Variants in MBD5 observed in about 807,000 individuals in gnomAD.
The protein encoded by MBD5 is methyl-CpG binding domain protein 5.
Under a neutral mutation model 117.3 loss-of-function variants are expected in MBD5, and 13 were observed. That is an observed-to-expected ratio of 0.11 (90% CI 0.07 to 0.18). The LOEUF is 0.18. MBD5 is among the 10% of genes least tolerant of loss of function. The pLI is 1.00. For synonymous variants in MBD5, 727 were observed against 766.4 expected, an observed-to-expected ratio of 0.95 and a Z score of 0.85; for missense variants, 1,879 against 2,093.8, an observed-to-expected ratio of 0.90 and a Z score of 2.00.
chr2:148,361,412 T>C (rs1474317182), intron 4 of MBD5, among the ~76,000 whole-genome samples: 2 of 152,162 alleles, frequency 1.3e-5, no homozygotes, highest in African/African-American at 4.8e-5. Flanking sequence ...TCAGTACATA[T>C]TCTTCTGAAC....
At chr2:148,253,438 A>T (rs1333349271) in intron 3 of MBD5, among the ~76,000 whole-genome samples, 1 of 152,192 alleles carries the variant, frequency 6.6e-6, no homozygotes, top group Non-Finnish European at 1.5e-5. Context: ...ATGCTATAAT[A>T]TGTAGTACAT....
intron 12 of MBD5, 147 bp downstream of exon 12, chr2:148,502,656 A>C (rs1681909751): frequency 1.3e-6 from 1 of 760,228 alleles, no homozygotes; most frequent in African/African-American, 1.7e-5. Flanking sequence ...ACCATTATAG[A>C]CAAGCCAAAT....
At chr2:148,279,725 A>G (rs1701196964) in intron 3 of MBD5, among the ~76,000 whole-genome samples, 2 of 152,334 alleles carry the variant, frequency 1.3e-5, no homozygotes, top group East Asian at 3.9e-4. Flanking sequence ...CCATTCTGAT[A>G]GTACTTTTCC....
At position 148,489,802 on chromosome 2, in the gene MBD5, G is replaced by T. The variant is rs1312513915; in HGVS notation, c.4170G>T (p.Arg1390Ser). 5.6e-6 allele frequency: 9 copies of T among 1,614,114 alleles called. No individual in the cohort carries two copies. Among genetic ancestry groups the T allele is most frequent in the Non-Finnish European group, 7.6e-6 (9 of 1,180,026 alleles). Residue 1390 changes from arginine to serine, a missense_variant, in exon 11 of 14, where the codon AGG (arginine) becomes AGT (serine). Coordinates refer to ENST00000642680, the MANE Select transcript of MBD5 (RefSeq NM_001378120.1). ...RNMGGVDHDG[R>S]LRNSRGARLP... ...TGGGAGGTGTTGATCATGATGGTAG[G>T]CTGAGGAATTCAAGAGGGGCTCGGC...
intron 3 of MBD5, among the ~76,000 whole-genome samples, chr2:148,314,752 T>G: frequency 6.6e-6 from 1 of 152,168 alleles, no homozygotes; most frequent in Non-Finnish European, 1.5e-5. Flanking sequence ...AGTTTTTTCT[T>G]TCTTAGAAAT....
intron 4 of MBD5, among the ~76,000 whole-genome samples, chr2:148,442,818 C>T (rs527593703): frequency 6.6e-6 from 1 of 151,454 alleles, no homozygotes; most frequent in African/African-American, 2.4e-5. Flanking sequence ...ATTGGCAAAA[C>T]TCTGCAGGAC....
At chr2:148,246,511 C>G (rs1421989459) in intron 3 of MBD5, among the ~76,000 whole-genome samples, 2 of 152,130 alleles carry the variant, frequency 1.3e-5, no homozygotes, top group African/African-American at 4.8e-5. Context: ...TGGCTCATGC[C>G]TGTAATCCCA....
chr2:148,404,333 T>C (rs1705013926), intron 4 of MBD5, among the ~76,000 whole-genome samples: 1 of 151,558 alleles, frequency 6.6e-6, no homozygotes, highest in African/African-American at 2.4e-5. Context: ...CTGAATATTC[T>C]ACCCTATACC....
chr2:148,216,299 T>C (rs937333709), intron 2 of MBD5, among the ~76,000 whole-genome samples: 5 of 152,174 alleles, frequency 3.3e-5, no homozygotes. Context: ...GTAGAAACTG[T>C]AGTAGATCTG....
intron 4 of MBD5, among the ~76,000 whole-genome samples, chr2:148,359,802 T>G (rs1163589486): frequency 6.6e-6 from 1 of 152,224 alleles, no homozygotes; most frequent in Non-Finnish European, 1.5e-5. Context: ...CTGCTCTTTA[T>G]GTATTGCTTT....
At chr2:148,056,887 T>C (rs1401685242) in intron 1 of MBD5, among the ~76,000 whole-genome samples, 1 of 151,848 alleles carries the variant, frequency 6.6e-6, no homozygotes, top group African/African-American at 2.4e-5. Context: ...TTTTAACTTT[T>C]GATGTAATTT....
chr2:148,098,038 TC>T (rs1304086734), intron 1 of MBD5, among the ~76,000 whole-genome samples: 1 of 152,130 alleles, frequency 6.6e-6, no homozygotes, highest in East Asian at 1.9e-4. Flanking sequence ...CAGTGGGAAG[TC>T]ACTTGCAGGT....
chr2:148,363,093 C>T (rs899939527), intron 4 of MBD5, among the ~76,000 whole-genome samples: 2 of 152,116 alleles, frequency 1.3e-5, no homozygotes, highest in Non-Finnish European at 2.9e-5. Flanking sequence ...TCCAAGTGAT[C>T]ACAACTCCTT....
chr2:148,170,686 A>C (rs1229192312), intron 1 of MBD5, among the ~76,000 whole-genome samples: 1 of 152,210 alleles, frequency 6.6e-6, no homozygotes, highest in African/African-American at 2.4e-5. Flanking sequence ...TCACTGTTAA[A>C]AGTTTATGAT....
chr2:148,499,125 T>A (rs974189193), intron 11 of MBD5, among the ~76,000 whole-genome samples: 5 of 151,846 alleles, frequency 3.3e-5, no homozygotes, highest in African/African-American at 1.2e-4. Context: ...AGAACCCTGT[T>A]TCTACAAAAA....
intron 4 of MBD5, among the ~76,000 whole-genome samples, chr2:148,410,252 A>G (rs975522199): frequency 1.3e-5 from 2 of 152,182 alleles, no homozygotes; most frequent in East Asian, 1.9e-4. Context: ...AAAAAGCAAT[A>G]CTTCTTTATT....
rs977466110 is a variant in MBD5 at position 148,114,072 on chromosome 2, C to A, written c.-924-64628C>A. On this transcript the variant is annotated intron_variant, in intron 1 of 13. Transcript: ENST00000642680. ...TTCCATGATTATTTAAACAGCTTCC[C>A]ATTATTGGTTCAAATATTTTATATA... 2.0e-5 allele frequency among the ~76,000 whole-genome samples: 3 copies of A among 152,170 alleles called. No individual in the cohort carries two copies. In the East Asian group the frequency reaches 5.8e-4, roughly 29 times the overall value.
intron 1 of MBD5, among the ~76,000 whole-genome samples, chr2:148,045,507 TA>T (rs1694496902): frequency 6.6e-6 from 1 of 152,202 alleles, no homozygotes; most frequent in South Asian, 2.1e-4. Context: ...GACATAGATA[TA>T]GATGCTTGTA....
At chr2:148,064,177 G>A (rs1432955421) in intron 1 of MBD5, among the ~76,000 whole-genome samples, 2 of 139,926 alleles carry the variant, frequency 1.4e-5, no homozygotes, top group East Asian at 4.4e-4. Flanking sequence ...CCAGGCTGGA[G>A]TGCAGTGGCG....
Sources: allele counts gnomAD v4.1 joint callset (sites outside exome capture counted in the v4.1 genomes callset), GRCh38; gene constraint gnomAD v4.1.1; transcripts MANE v1.5; gene names NCBI Gene and HGNC (gene_info 2026-07-23, HGNC 2026-07-21).